SERGEF: variants seen among roughly 807,000 people sequenced by gnomAD.
The protein encoded by SERGEF is secretion regulating guanine nucleotide exchange factor.
In SERGEF, 51 loss-of-function variants were observed where a neutral mutation model predicts 50.0. That is an observed-to-expected ratio of 1.02 (90% CI 0.81 to 1.29). The LOEUF (loss-of-function observed/expected upper bound fraction) is 1.29, where lower values mean the gene tolerates loss of function less well. Among genes scored for constraint, SERGEF ranks in the 50% most tolerant of loss-of-function variants. The pLI is 0.00. For synonymous variants in SERGEF, 205 were observed against 212.4 expected (o/e 0.97, Z 0.30); for missense variants, 521 against 557.0 (o/e 0.94, Z 0.65).
intron 8 of SERGEF, among the ~76,000 whole-genome samples, chr11:17,970,460 T>G (rs1474395563): frequency 6.6e-6 from 1 of 152,166 alleles, no homozygotes; most frequent in Non-Finnish European, 1.5e-5. Context: ...ATATTGAAAT[T>G]AGGCCAATTA....
chr11:17,788,554 C>T, intron 10 of SERGEF, 141 bp from the exon 11 acceptor site: 1 of 659,920 alleles, frequency 1.5e-6, no homozygotes, highest in Non-Finnish European at 2.4e-6. Flanking sequence ...GCGGCATCCT[C>T]CCCATCCCTA....
At chr11:17,926,979 C>T (rs898831924) in intron 9 of SERGEF, 5 of 382,252 alleles carry the variant, frequency 1.3e-5, no homozygotes, top group African/African-American at 4.2e-5. Context: ...AACCAACCAT[C>T]GCCTGTCACC....
intron 9 of SERGEF, among the ~76,000 whole-genome samples, chr11:17,909,822 G>A (rs977833259): frequency 1.4e-4 from 19 of 133,754 alleles, no homozygotes; most frequent in Non-Finnish European, 2.5e-4. Context: ...CTCCTGGGGG[G>A]AAAGTTTCTG....
intron 6 of SERGEF, 107 bp downstream of exon 6, chr11:17,995,689 G>A: frequency 1.3e-6 from 1 of 776,102 alleles, no homozygotes; most frequent in Non-Finnish European, 2.1e-6. Flanking sequence ...AAGTTAGAGA[G>A]ACCAAGAAAT....
chr11:18,001,653 T>C (rs1399410831), intron 4 of SERGEF, among the ~76,000 whole-genome samples: 1 of 152,228 alleles, frequency 6.6e-6, no homozygotes, highest in Non-Finnish European at 1.5e-5. Context: ...TGTTTGCTGT[T>C]TTAAGCTGCT....
At chr11:17,866,119 CA>C (rs1196220360) in intron 10 of SERGEF, among the ~76,000 whole-genome samples, 1 of 152,232 alleles carries the variant, frequency 6.6e-6, no homozygotes, top group Non-Finnish European at 1.5e-5. Flanking sequence ...GTCTGGCAAA[CA>C]GCTCAAGCAA....
chr11:17,989,121 A>C (rs548442206), intron 7 of SERGEF, among the ~76,000 whole-genome samples: 10 of 152,218 alleles, frequency 6.6e-5, no homozygotes, highest in Non-Finnish European at 1.0e-4. Flanking sequence ...GTATGAAAAA[A>C]ATGCTTTAAA....
At chr11:17,939,590 T>C (rs766853499) in intron 9 of SERGEF, 22 of 152,252 alleles carry the variant, frequency 1.4e-4, no homozygotes, top group Non-Finnish European at 2.8e-4. Flanking sequence ...GCCACCTCAC[T>C]GCATGAATAC....
At chr11:17,816,241 C>G (rs895795432) in intron 10 of SERGEF, among the ~76,000 whole-genome samples, 1 of 152,142 alleles carries the variant, frequency 6.6e-6, no homozygotes, top group Admixed American at 6.5e-5. Context: ...AATAATAACT[C>G]TAGTCTAAGG....
chr11:18,008,240 G>A (rs1023257170), intron 1 of SERGEF, among the ~76,000 whole-genome samples, 164 bp from the exon 2 acceptor site: 5 of 152,018 alleles, frequency 3.3e-5, no homozygotes, highest in African/African-American at 4.8e-5. Context: ...GCTCCTTCAC[G>A]GCAAATACTC....
chr11:17,967,153 A>T (rs555912487), intron 8 of SERGEF, among the ~76,000 whole-genome samples: 1 of 152,242 alleles, frequency 6.6e-6, no homozygotes, highest in African/African-American at 2.4e-5. Context: ...AGATGAAAAT[A>T]TTAACGCATA....
intron 10 of SERGEF, among the ~76,000 whole-genome samples, chr11:17,861,372 C>T (rs527678502): frequency 6.6e-6 from 1 of 152,138 alleles, no homozygotes; most frequent in African/African-American, 2.4e-5. Flanking sequence ...CAATCTTGCC[C>T]GTGGTCAGAT....
At position 17,946,640 on chromosome 11, in the gene SERGEF, C is replaced by T. The variant is rs188273637; in HGVS notation, c.1011+12830G>A. 4.6e-5 allele frequency among the ~76,000 whole-genome samples: 7 copies of T among 152,172 alleles called. No individual in the cohort carries two copies. In the East Asian group the frequency reaches 9.7e-4, roughly 21 times the overall value. On this transcript the variant is annotated intron_variant, in intron 9 of 10. Coordinates refer to ENST00000265965, the MANE Select transcript of SERGEF (RefSeq NM_012139.4). The stretch of plus-strand genomic sequence containing the variant: ...AACTACAGAACTGCTCCCAAAAGTC[C>T]CCATGCAACAGCAGAAATTTCACCT...
intron 10 of SERGEF, among the ~76,000 whole-genome samples, chr11:17,868,499 C>T (rs543675241): frequency 6.6e-6 from 1 of 152,302 alleles, no homozygotes; most frequent in African/African-American, 2.4e-5. Context: ...GGGCTCCAAA[C>T]TTTCCCACAT....
intron 9 of SERGEF, among the ~76,000 whole-genome samples, chr11:17,938,550 C>A (rs1852499342): frequency 6.6e-6 from 1 of 152,058 alleles, no homozygotes; most frequent in South Asian, 2.1e-4. Context: ...ATTAGGAGGA[C>A]CCCAGACCCC....
At chr11:17,984,497 T>C (rs1853556244) in intron 8 of SERGEF, among the ~76,000 whole-genome samples, 1 of 152,188 alleles carries the variant, frequency 6.6e-6, no homozygotes, top group Non-Finnish European at 1.5e-5. Context: ...TGTACCCCAA[T>C]GATCCAATCA....
At chr11:17,895,199 G>GT (rs1207374985) in intron 9 of SERGEF, among the ~76,000 whole-genome samples, 1 of 152,130 alleles carries the variant, frequency 6.6e-6, no homozygotes, top group Non-Finnish European at 1.5e-5. Context: ...GCCCCTCACC[G>GT]TAAGGATCAC....
chr11:18,005,279 C>A (rs1211766768), intron 3 of SERGEF, among the ~76,000 whole-genome samples: 1 of 152,144 alleles, frequency 6.6e-6, no homozygotes, highest in African/African-American at 2.4e-5. Context: ...TGTTTAGATT[C>A]TAATAATCAC....
intron 8 of SERGEF, among the ~76,000 whole-genome samples, chr11:17,965,533 T>C (rs111518820): frequency 6.6e-6 from 1 of 152,302 alleles, no homozygotes; most frequent in African/African-American, 2.4e-5. Context: ...GGTTCCTCTG[T>C]GCAACAATCT....
Sources: gnomAD v4.1 joint callset for allele counts (sites outside exome capture counted in the v4.1 genomes callset) on GRCh38, gnomAD v4.1.1 for gene constraint, MANE v1.5 for transcripts, NCBI Gene and HGNC (gene_info 2026-07-23, HGNC 2026-07-21) for gene names.